The following GRM8 variants were observed in gnomAD, a reference collection of about 807,000 sequenced individuals.
GRM8 encodes metabotropic glutamate receptor 8.
GRM8 carries 47 observed loss-of-function variants against 87.2 expected under a neutral mutation model. That is an observed-to-expected ratio of 0.54 (90% CI 0.43 to 0.69). The LOEUF is 0.69. Ranked by LOEUF, GRM8 falls within the 30% of genes least tolerant of loss-of-function variation. GRM8 has a pLI of 0.00. For synonymous variants in GRM8, 396 were observed against 404.5 expected (o/e 0.98, Z 0.25); for missense variants, 1,019 against 1,139.2 (o/e 0.89, Z 1.52).
At chr7:126,989,657 G>A (rs1028444572) in intron 3 of GRM8, among the ~76,000 whole-genome samples, 1 of 136,180 alleles carries the variant, frequency 7.3e-6, no homozygotes, top group Admixed American at 6.9e-5. Context: ...ATGGGCTACT[G>A]GGGGCTGGGC....
intron 7 of GRM8, among the ~76,000 whole-genome samples, chr7:126,741,783 T>C (rs1406848217): frequency 6.6e-6 from 1 of 152,098 alleles, no homozygotes; most frequent in Non-Finnish European, 1.5e-5. Context: ...TTTCACAAGA[T>C]TGTGGGAAGC....
At chr7:126,893,016 C>A (rs1481482054) in intron 6 of GRM8, among the ~76,000 whole-genome samples, 4 of 152,020 alleles carry the variant, frequency 2.6e-5, no homozygotes. Context: ...GAACTTTTTA[C>A]ATTTTTAAAA....
chr7:126,990,965 T>C (rs973157662), intron 3 of GRM8, among the ~76,000 whole-genome samples: 19 of 152,212 alleles, frequency 1.2e-4, no homozygotes, highest in African/African-American at 1.2e-4. Flanking sequence ...TCATTATATA[T>C]AGTTTAACTT....
intron 7 of GRM8, among the ~76,000 whole-genome samples, chr7:126,710,320 C>T (rs60419576): frequency 0.038 from 5,783 of 152,114 alleles, 386 homozygotes; most frequent in African/African-American, 0.13. Context: ...ATTGACATAT[C>T]CTTTTATGAA....
chr7:126,986,171 C>A (rs1241903314), intron 3 of GRM8, among the ~76,000 whole-genome samples: 3 of 151,948 alleles, frequency 2.0e-5, no homozygotes, highest in African/African-American at 7.2e-5. Flanking sequence ...GTGCCACCAC[C>A]CCTGACTAAT....
intron 7 of GRM8, among the ~76,000 whole-genome samples, chr7:126,722,570 C>T (rs1485483670): frequency 6.6e-6 from 1 of 152,054 alleles, no homozygotes; most frequent in Non-Finnish European, 1.5e-5. Context: ...TTCTTGTTTC[C>T]TATAGCCTTG....
chr7:126,765,069 A>T (rs1280930354), intron 7 of GRM8, among the ~76,000 whole-genome samples: 1 of 151,974 alleles, frequency 6.6e-6, no homozygotes, highest in East Asian at 1.9e-4. Flanking sequence ...CTGACATACA[A>T]CCTAAGTTTG....
At chr7:127,207,216 T>C (rs1052833647) in intron 2 of GRM8, among the ~76,000 whole-genome samples, 14 of 152,314 alleles carry the variant, frequency 9.2e-5, no homozygotes, top group African/African-American at 2.9e-4. Context: ...TTGCTGATTA[T>C]GTTCTTAAGA....
At chr7:126,500,446 C>T (rs1051539512) in intron 9 of GRM8, among the ~76,000 whole-genome samples, 5 of 151,894 alleles carry the variant, frequency 3.3e-5, no homozygotes, top group African/African-American at 1.2e-4. Flanking sequence ...GCAACTTTTG[C>T]TTCTGGTCTT....
intron 2 of GRM8, among the ~76,000 whole-genome samples, chr7:127,220,651 A>G (rs1796862886): frequency 6.6e-6 from 1 of 151,420 alleles, no homozygotes; most frequent in African/African-American, 2.4e-5. Context: ...TGTCCAGCTA[A>G]TTTTAAAAAA....
intron 6 of GRM8, among the ~76,000 whole-genome samples, chr7:126,851,807 C>G (rs1323311452): frequency 1.3e-5 from 2 of 152,156 alleles, no homozygotes; most frequent in Non-Finnish European, 1.5e-5. Flanking sequence ...CTCCAGATTA[C>G]CCTGCTTTAT....
chr7:126,941,435 A>G (rs2518958), intron 3 of GRM8, among the ~76,000 whole-genome samples: 110,922 of 146,100 alleles, frequency 0.76, 42,385 homozygotes, highest in East Asian at 0.97. Context: ...GTGAAACCCC[A>G]TCTCTACTAA....
chr7:126,865,553 C>T (rs182904016), intron 6 of GRM8, among the ~76,000 whole-genome samples: 1 of 152,174 alleles, frequency 6.6e-6, no homozygotes, highest in Admixed American at 6.5e-5. Flanking sequence ...AAGCCCTATT[C>T]CCCTTACATA....
chr7:126,985,524 G>A (rs1023333572), intron 3 of GRM8, among the ~76,000 whole-genome samples: 2 of 152,166 alleles, frequency 1.3e-5, no homozygotes, highest in African/African-American at 4.8e-5. Flanking sequence ...CAGAATACCT[G>A]AAACTGGTTA....
At chr7:127,206,982 T>G (rs1029550053) in intron 2 of GRM8, among the ~76,000 whole-genome samples, 1 of 152,158 alleles carries the variant, frequency 6.6e-6, no homozygotes, top group Non-Finnish European at 1.5e-5. Flanking sequence ...AAATGGGACA[T>G]GGCTTGTGTG....
Position 126,877,670 on chromosome 7 carries a change from T to G in GRM8, c.1156+24872A>C, listed in dbSNP as rs1799647930. Among the ~76,000 whole-genome samples the G allele has an allele frequency of 2.6e-5, 4 of 152,208 alleles. No homozygotes were observed. In the South Asian group the frequency reaches 8.3e-4, roughly 31 times the overall value. On this transcript the variant is annotated intron_variant, in intron 6 of 10. Transcript: ENST00000339582. ...ATATGACTTGTTCTTCAAGATTTATTCTTAATATTTACCTGTCTCCAAAGT... is the reference window on the plus strand; with the variant it reads ...ATATGACTTGTTCTTCAAGATTTATGCTTAATATTTACCTGTCTCCAAAGT...
intron 2 of GRM8, among the ~76,000 whole-genome samples, chr7:127,157,997 G>A (rs1180214126): frequency 6.6e-6 from 1 of 152,028 alleles, no homozygotes; most frequent in Admixed American, 6.6e-5. Context: ...TAAGGATAAT[G>A]ATTAACATAA....
intron 7 of GRM8, among the ~76,000 whole-genome samples, chr7:126,756,740 C>T (rs919993888): frequency 2.6e-5 from 4 of 151,890 alleles, no homozygotes; most frequent in Non-Finnish European, 5.9e-5. Flanking sequence ...ATCAATGGTT[C>T]CCAGAGATGA....
intron 8 of GRM8, among the ~76,000 whole-genome samples, chr7:126,555,099 T>C (rs1792995867): frequency 6.6e-6 from 1 of 150,876 alleles, no homozygotes; most frequent in South Asian, 2.3e-4. Flanking sequence ...ACAAAGAACA[T>C]AAATAAAATT....
Sources: gnomAD v4.1 joint callset for allele counts (sites outside exome capture counted in the v4.1 genomes callset) on GRCh38, gnomAD v4.1.1 for gene constraint, MANE v1.5 for transcripts, NCBI Gene and HGNC (gene_info 2026-07-23, HGNC 2026-07-21) for gene names.